SLC16A10: variants seen among roughly 807,000 people sequenced by gnomAD.
SLC16A10 encodes the protein solute carrier family 16 member 10, also known as monocarboxylate transporter 10.
A neutral mutation model predicts 40.0 loss-of-function variants in SLC16A10; 27 were observed. That is an observed-to-expected ratio of 0.67 (90% CI 0.50 to 0.93). The LOEUF (loss-of-function observed/expected upper bound fraction) is 0.93, where lower values mean the gene tolerates loss of function less well. Among genes scored for constraint, SLC16A10 ranks in the 40% least tolerant of loss-of-function variants. The probability of loss-of-function intolerance (pLI) is 0.00; values close to 1 mark genes in which losing one functional copy is unlikely to be tolerated. For synonymous variants in SLC16A10, 213 were observed against 249.8 expected, an observed-to-expected ratio of 0.85 and a Z score of 1.39; for missense variants, 529 against 658.2, an observed-to-expected ratio of 0.80 and a Z score of 2.15.
At chr6:111,143,223 G>A (rs1772014902) in intron 1 of SLC16A10, among the ~76,000 whole-genome samples, 1 of 152,048 alleles carries the variant, frequency 6.6e-6, no homozygotes, top group Admixed American at 6.6e-5. Context: ...GGGACTACAG[G>A]TGCATGTCAC....
At chr6:111,100,947 GCTCTTTCTCTCC>G (rs1435576543) in intron 1 of SLC16A10, among the ~76,000 whole-genome samples, 1 of 68,020 alleles carries the variant, frequency 1.5e-5, no homozygotes, top group Non-Finnish European at 3.2e-5. Context: ...GTTCTCTCTC[GCTCTTTCTCTCC>G]CTCTCTCTCT....
In SLC16A10 at chr6:111,215,067, C is replaced by T. The variant is rs189525412; in HGVS notation, c.1087-3747C>T. ...CTGGGAGGCAGATCTTGCAGTGAGTCGAGATCGCGCCACTGCACTCCAGCC... is the reference window on the plus strand; with the variant it reads ...CTGGGAGGCAGATCTTGCAGTGAGTTGAGATCGCGCCACTGCACTCCAGCC... On this transcript the variant is annotated intron_variant, in intron 4 of 5. Transcript: ENST00000368851. Among the ~76,000 whole-genome samples the T allele has an allele frequency of 3.5e-3, 533 of 151,724 alleles. 2 individuals are homozygous for T. Among genetic ancestry groups the T allele is most frequent in the African/African-American group, 0.012 (500 of 41,354 alleles).
At chr6:111,105,738 T>G (rs1218344012) in intron 1 of SLC16A10, among the ~76,000 whole-genome samples, 1 of 152,228 alleles carries the variant, frequency 6.6e-6, no homozygotes, top group African/African-American at 2.4e-5. Context: ...ACGGTGCCTG[T>G]GTGCGGGCGT....
At chr6:111,195,634 G>C (rs1425449749) in intron 3 of SLC16A10, among the ~76,000 whole-genome samples, 1 of 152,184 alleles carries the variant, frequency 6.6e-6, no homozygotes, top group African/African-American at 2.4e-5. Flanking sequence ...CCTAAATGGT[G>C]AACCAAATTG....
At position 111,206,803 on chromosome 6, in the gene SLC16A10, C is replaced by T. The variant is rs564620274; in HGVS notation, c.1086+68C>T. ...ATCACCCGATGTCTCATTAAATGTA[C>T]TTACATGCTTAAATTCTTTTTTTTT... On this transcript the variant is annotated intron_variant, in intron 4 of 5. Transcript: ENST00000368851. The T allele has an allele frequency of 4.6e-4, 700 of 1,522,610 alleles. No homozygotes were observed. In the Middle Eastern group the frequency reaches 7.0e-3, roughly 15 times the overall value. 94.3% of individuals were successfully genotyped at this position (1,522,610 alleles called of 1,614,324 possible).
intron 4 of SLC16A10, among the ~76,000 whole-genome samples, chr6:111,214,995 T>A (rs1182009334): frequency 1.3e-5 from 2 of 151,900 alleles, no homozygotes; most frequent in Non-Finnish European, 2.9e-5. Context: ...AGTGGGCGCC[T>A]ATAGTCCCAG....
chr6:111,157,325 C>T (rs1772288755), intron 1 of SLC16A10, among the ~76,000 whole-genome samples: 1 of 151,976 alleles, frequency 6.6e-6, no homozygotes, highest in African/African-American at 2.4e-5. Context: ...GTACTGTCAC[C>T]TGGACTGGAG....
intron 5 of SLC16A10, among the ~76,000 whole-genome samples, chr6:111,221,030 CAT>C (rs1491536668): frequency 6.6e-6 from 1 of 152,004 alleles, no homozygotes; most frequent in Non-Finnish European, 1.5e-5. Flanking sequence ...TGGATGTACA[CAT>C]TTTTATGTGT....
intron 1 of SLC16A10, among the ~76,000 whole-genome samples, chr6:111,093,610 T>C (rs1285968829): frequency 1.3e-5 from 2 of 152,252 alleles, no homozygotes; most frequent in Non-Finnish European, 2.9e-5. Flanking sequence ...GCCTTTACGC[T>C]AAAGAGATTT....
chr6:111,121,176 C>T (rs1464663133), intron 1 of SLC16A10, among the ~76,000 whole-genome samples: 1 of 152,192 alleles, frequency 6.6e-6, no homozygotes, highest in African/African-American at 2.4e-5. Context: ...TGTAATGACA[C>T]GTGTGCCTCT....
rs541492469 is a variant in SLC16A10 at position 111,124,356 on chromosome 6, AT to A, written c.343+36276del. On this transcript the variant is annotated intron_variant, in intron 1 of 5. Transcript: ENST00000368851. ...TTATTAATTCTTCCCCAATAGAGTG[AT>A]TTTTTTTTTTTTTTAAGAGACGGAG... Among the ~76,000 whole-genome samples, 907 of 142,182 alleles carry A rather than the reference AT, an allele frequency of 6.4e-3. 3 individuals carry two copies. The highest frequency in any genetic ancestry group is 0.012 in the African/African-American group (459 of 38,806). 93.3% of individuals were successfully genotyped at this position (142,182 alleles called of 152,430 possible).
chr6:111,182,319 T>C (rs1772809898), intron 3 of SLC16A10, among the ~76,000 whole-genome samples: 1 of 142,732 alleles, frequency 7.0e-6, no homozygotes, highest in African/African-American at 2.6e-5. Context: ...TCTTTTTTTT[T>C]TTTTTTTTTT....
At chr6:111,152,288 C>T (rs1270439769) in intron 1 of SLC16A10, among the ~76,000 whole-genome samples, 2 of 151,948 alleles carry the variant, frequency 1.3e-5, no homozygotes, top group East Asian at 1.9e-4. Flanking sequence ...AGCTTTTGTC[C>T]CCCGGTAGAA....
intron 3 of SLC16A10, among the ~76,000 whole-genome samples, chr6:111,198,818 A>G (rs1266898997): frequency 6.6e-6 from 1 of 152,210 alleles, no homozygotes; most frequent in Non-Finnish European, 1.5e-5. Flanking sequence ...TTATCACTAG[A>G]TCAGTCCAAG....
chr6:111,128,614 C>T (rs188544058), intron 1 of SLC16A10, among the ~76,000 whole-genome samples: 3 of 152,198 alleles, frequency 2.0e-5, no homozygotes, highest in Non-Finnish European at 4.4e-5. Context: ...GTGTGCCACT[C>T]GAAGTCGGAT....
At chr6:111,178,546 A>C in intron 3 of SLC16A10, 2 of 377,590 alleles carry the variant, frequency 5.3e-6, no homozygotes, top group Non-Finnish European at 5.1e-6. Flanking sequence ...CTTCATCCCT[A>C]CCTGGGGAAG....
intron 1 of SLC16A10, among the ~76,000 whole-genome samples, chr6:111,154,526 T>C (rs919989710): frequency 3.3e-5 from 5 of 152,200 alleles, no homozygotes; most frequent in Admixed American, 2.6e-4. Flanking sequence ...TAAGACACAA[T>C]TTACTTGTTA....
chr6:111,112,847 G>A (rs1345009476), intron 1 of SLC16A10, among the ~76,000 whole-genome samples: 1 of 152,150 alleles, frequency 6.6e-6, no homozygotes, highest in Non-Finnish European at 1.5e-5. Context: ...AACTTGACAG[G>A]AAGTGAGTTA....
At chr6:111,161,403 G>A (rs1048730558) in intron 1 of SLC16A10, among the ~76,000 whole-genome samples, 68 of 151,912 alleles carry the variant, frequency 4.5e-4, no homozygotes, top group Admixed American at 3.3e-3. Context: ...GGTTTCACCA[G>A]GGACCCGTTC....
Sources: allele counts gnomAD v4.1 joint callset (sites outside exome capture counted in the v4.1 genomes callset), GRCh38; gene constraint gnomAD v4.1.1; transcripts MANE v1.5; gene names NCBI Gene and HGNC (gene_info 2026-07-23, HGNC 2026-07-21).